MCF2L: variants seen among roughly 807,000 people sequenced by gnomAD.
MCF2L encodes the protein guanine nucleotide exchange factor DBS.
In MCF2L, 97 loss-of-function variants were observed where a neutral mutation model predicts 153.4. That is an observed-to-expected ratio of 0.63 (90% CI 0.54 to 0.75). The LOEUF (loss-of-function observed/expected upper bound fraction) is 0.75. MCF2L is among the 30% of genes least tolerant of loss of function. MCF2L has a pLI of 0.00. For synonymous variants in MCF2L, 659 were observed against 632.2 expected (o/e 1.04, Z -0.64); for missense variants, 1,347 against 1,495.2 (o/e 0.90, Z 1.64).
chr13:112,896,986 G>A (rs1385818463), intron 1 of MCF2L, among the ~76,000 whole-genome samples: 1 of 152,236 alleles, frequency 6.6e-6, no homozygotes, highest in Non-Finnish European at 1.5e-5. Context: ...CAGGGGCCAT[G>A]CAGGCTGAGA....
intron 16 of MCF2L, among the ~76,000 whole-genome samples, chr13:113,082,165 G>C (rs984544467): frequency 1.3e-5 from 2 of 152,214 alleles, no homozygotes; most frequent in African/African-American, 4.8e-5. Context: ...GTAGACATAA[G>C]ATTTGTGCCC....
chr13:113,020,668 C>T (rs1292592169), intron 2 of MCF2L, among the ~76,000 whole-genome samples: 1 of 152,220 alleles, frequency 6.6e-6, no homozygotes, highest in African/African-American at 2.4e-5. Flanking sequence ...CCCACGGCCT[C>T]CTCCCCTCCC....
At chr13:113,016,869 T>C (rs775194165) in intron 2 of MCF2L, among the ~76,000 whole-genome samples, 2 of 152,184 alleles carry the variant, frequency 1.3e-5, no homozygotes, top group Non-Finnish European at 2.9e-5. Context: ...CGTCCTCCCG[T>C]GTGTGGCGTG....
intron 2 of MCF2L, 53 bp from the exon 3 acceptor site, chr13:113,024,591 C>A: frequency 8.4e-7 from 1 of 1,196,492 alleles, no homozygotes; most frequent in Non-Finnish European, 1.2e-6. Flanking sequence ...ATCTGTGGAA[C>A]CCCCGGGGGC....
chr13:112,959,542 T>G (rs946804729), intron 2 of MCF2L, among the ~76,000 whole-genome samples: 2 of 152,152 alleles, frequency 1.3e-5, no homozygotes, highest in Admixed American at 6.5e-5. Context: ...CCTGGCAGCA[T>G]ACAGAACAAT....
At chr13:113,034,637 C>CCTCGCCCTGGTCT (rs1566775849) in intron 3 of MCF2L, among the ~76,000 whole-genome samples, 201 of 151,838 alleles carry the variant, frequency 1.3e-3, no homozygotes, top group African/African-American at 4.8e-3. Context: ...CTGGTCTCAC[C>CCTCGCCCTGGTCT]CACGCCCTCG....
rs1443201310 is a variant in MCF2L, at chr13:112,907,014, C to T, written c.169+4643C>T. Reference sequence around the variant, plus strand: ...AAGAAGAGCAGCGAAGAAACAGACACATTTGCCGCCTTGGGTGGAGTCGCG... The same window carrying T: ...AAGAAGAGCAGCGAAGAAACAGACATATTTGCCGCCTTGGGTGGAGTCGCG... On this transcript the variant is annotated intron_variant, in intron 2 of 29. Transcript: ENST00000375608. This position sits in a 1 kb window ranked among gnomAD's most constrained non-coding sequence, Gnocchi z 5.1. 6.6e-6 allele frequency among the ~76,000 whole-genome samples: 1 copy of T among 152,216 alleles called. No homozygotes were observed. The highest frequency in any genetic ancestry group is 1.5e-5 in the Non-Finnish European group (1 of 68,044).
In MCF2L at chr13:112,969,314, C is replaced by T. The variant is rs2081963495; in HGVS notation, c.-66C>T. 2 of 1,543,402 alleles carry T rather than the reference C, an allele frequency of 1.3e-6. No individual in the cohort carries two copies. The highest frequency in any genetic ancestry group is 2.0e-5 in the Admixed American group (1 of 50,836). Reference sequence around the variant, plus strand: ...GCGCCCCCTCCGCACTCGCACGGCCCCACCCGCAGGCGCCCCCCGTGCGGA... The same window carrying T: ...GCGCCCCCTCCGCACTCGCACGGCCTCACCCGCAGGCGCCCCCCGTGCGGA... On this transcript the variant is annotated 5_prime_UTR_variant, in exon 1 of 30. Transcript: ENST00000535094. The surrounding 1 kb of genome is among the most constrained non-coding windows in gnomAD (Gnocchi z 4.8).
In MCF2L at chr13:112,911,723, A is replaced by G. The variant is rs566017742; in HGVS notation, c.169+9352A>G. Among the ~76,000 whole-genome samples the G allele has an allele frequency of 1.5e-3, 232 of 152,274 alleles. 2 individuals are homozygous for G. The highest frequency in any genetic ancestry group is 5.3e-3 in the African/African-American group (221 of 41,556). ...CTGCGCCAGCCTTTCCTCACAGAAT[A>G]CCCGGGACCTCACACGGATGCGCTG... On this transcript the variant is annotated intron_variant, in intron 2 of 29. Transcript: ENST00000375608.
intron 1 of MCF2L, among the ~76,000 whole-genome samples, chr13:112,982,592 T>C (rs2082476300): frequency 6.6e-6 from 1 of 151,972 alleles, no homozygotes; most frequent in Non-Finnish European, 1.5e-5. Context: ...CCTCATTGTG[T>C]CTGGTGGGAG....
chr13:112,981,993 G>A (rs2082446932), intron 1 of MCF2L, among the ~76,000 whole-genome samples: 1 of 152,226 alleles, frequency 6.6e-6, no homozygotes, highest in Non-Finnish European at 1.5e-5. Context: ...CCCGGTCAGG[G>A]CTGGGGGAAG....
At chr13:113,075,686 T>C (rs2033394169) in intron 11 of MCF2L, among the ~76,000 whole-genome samples, 1 of 152,248 alleles carries the variant, frequency 6.6e-6, no homozygotes, top group Non-Finnish European at 1.5e-5. Flanking sequence ...TTGATCCTAC[T>C]GCACTTACCC....
At chr13:113,061,473 A>C (rs9549650) in intron 5 of MCF2L, among the ~76,000 whole-genome samples, 126,623 of 152,036 alleles carry the variant, frequency 0.83, 53,357 homozygotes, top group African/African-American at 0.96. Flanking sequence ...ACCGCAGAGC[A>C]CCCCATGGCA....
chr13:112,943,543 G>A lies in MCF2L; in HGVS notation c.169+41172G>A, dbSNP rs1296121398. On this transcript the variant is annotated intron_variant, in intron 2 of 29. Coordinates refer to the MCF2L transcript ENST00000375608. The surrounding 1 kb of genome is among the most constrained non-coding windows in gnomAD (Gnocchi z 4.2). ...GGTGCCTTCCAGGGAGGCTGCGCCT[G>A]CAGCACCGCAGCCAGAGCCGAGACT... 6.6e-6 allele frequency among the ~76,000 whole-genome samples: 1 copy of A among 152,040 alleles called. No homozygotes were observed. Among genetic ancestry groups the A allele is most frequent in the Non-Finnish European group, 1.5e-5 (1 of 67,954 alleles).
At position 113,096,811 on chromosome 13, in the gene MCF2L, C is replaced by T. The variant is rs780121533; in HGVS notation, c.3330C>T (p.Ser1110=). 1.8e-5 allele frequency: 28 copies of T among 1,547,114 alleles called. No homozygotes were observed. The East Asian group carries it at 6.8e-4, about 38-fold the overall frequency. The change falls in exon 30 of 30, where the codon TCC becomes TCT. Residue 1110 remains serine (S), a synonymous_variant. Coordinates refer to ENST00000535094, the MANE Select transcript of MCF2L (RefSeq NM_001112732.3). ...GGTCGGCCGTGCTGAGCAACTCGTC[C>T]AGCTGCAGCGAGGGCGGCCAGGCCC... ...SPGSAVLSNS[S]SCSEGGQAPF... is the part of the protein sequence containing the mutation.
At chr13:112,924,513 A>G (rs1167213736) in intron 2 of MCF2L, among the ~76,000 whole-genome samples, 1 of 152,198 alleles carries the variant, frequency 6.6e-6, no homozygotes, top group Non-Finnish European at 1.5e-5. Context: ...AGCAAAAATA[A>G]AGTACCTCTG....
intron 2 of MCF2L, among the ~76,000 whole-genome samples, chr13:112,933,957 T>C (rs1240479492): frequency 6.6e-6 from 1 of 152,274 alleles, no homozygotes. Flanking sequence ...GACCTCCTCC[T>C]GAGCTCTGCC....
intron 27 of MCF2L, chr13:113,095,372 G>A: frequency 2.7e-6 from 3 of 1,130,772 alleles, no homozygotes; most frequent in Non-Finnish European, 3.3e-6. Flanking sequence ...CACAGAGACA[G>A]CATGAAGGAA....
chr13:113,062,776 G>C (rs1274648371), intron 5 of MCF2L, among the ~76,000 whole-genome samples: 2 of 152,214 alleles, frequency 1.3e-5, no homozygotes, highest in Non-Finnish European at 2.9e-5. Flanking sequence ...GTGACTGACT[G>C]TCCAAACCCA....
Sources: allele counts gnomAD v4.1 joint callset (sites outside exome capture counted in the v4.1 genomes callset), GRCh38; gene constraint gnomAD v4.1.1; non-coding constraint Gnocchi (gnomAD v3.1); transcripts MANE v1.5; gene names NCBI Gene and HGNC (gene_info 2026-07-23, HGNC 2026-07-21).